The following GSG1L variants were observed in gnomAD, a reference collection of about 807,000 sequenced individuals.
GSG1L encodes germ cell-specific gene 1-like protein.
GSG1L carries 24 observed loss-of-function variants against 42.1 expected under a neutral mutation model. That is an observed-to-expected ratio of 0.57 (90% CI 0.41 to 0.80). The LOEUF (loss-of-function observed/expected upper bound fraction) is 0.80, where lower values mean the gene tolerates loss of function less well. Among genes scored for constraint, GSG1L ranks in the 30% least tolerant of loss-of-function variants. GSG1L has a pLI of 0.00. For synonymous variants in GSG1L, 215 were observed against 203.5 expected (o/e 1.06, Z -0.48); for missense variants, 445 against 472.2 (o/e 0.94, Z 0.53).
At chr16:27,861,341 C>T (rs1035904488) in intron 3 of GSG1L, among the ~76,000 whole-genome samples, 1 of 151,900 alleles carries the variant, frequency 6.6e-6, no homozygotes, top group African/African-American at 2.4e-5. Context: ...CGCGCCAGTG[C>T]ACTCTAGCCT....
intron 2 of GSG1L, among the ~76,000 whole-genome samples, chr16:27,961,527 T>A (rs2085072557): frequency 6.6e-6 from 1 of 152,210 alleles, no homozygotes; most frequent in Non-Finnish European, 1.5e-5. Context: ...TAAGCCTTGG[T>A]TTCTTCATCT....
intron 2 of GSG1L, among the ~76,000 whole-genome samples, chr16:27,956,167 T>G (rs187288817): frequency 6.6e-6 from 1 of 152,336 alleles, no homozygotes; most frequent in African/African-American, 2.4e-5. Context: ...GTTTCATGAC[T>G]GTTAATAGTT....
chr16:27,827,173 C>T (rs760968327), intron 5 of GSG1L, among the ~76,000 whole-genome samples: 7 of 152,192 alleles, frequency 4.6e-5, no homozygotes, highest in Non-Finnish European at 7.3e-5. Flanking sequence ...GGGCCTGGCA[C>T]ATAACTTGTG....
intron 2 of GSG1L, among the ~76,000 whole-genome samples, chr16:27,885,909 A>G (rs1336422885): frequency 6.6e-6 from 1 of 152,148 alleles, no homozygotes; most frequent in Admixed American, 6.5e-5. Context: ...GATTACCATC[A>G]TTTGCCATCT....
At chr16:27,919,283 C>A (rs369031866) in intron 2 of GSG1L, among the ~76,000 whole-genome samples, 1 of 152,214 alleles carries the variant, frequency 6.6e-6, no homozygotes. Flanking sequence ...TGACTTCCCA[C>A]TGCTGTTAGA....
rs780469549 is a variant in GSG1L, at chr16:27,893,402, G to A, written c.398-8764C>T. 2.1e-4 allele frequency among the ~76,000 whole-genome samples: 32 copies of A among 152,214 alleles called. No individual in the cohort carries two copies. The South Asian group carries it at 4.8e-3, about 23-fold the overall frequency. On this transcript the variant is annotated intron_variant, in intron 2 of 6. Coordinates refer to ENST00000447459, the MANE Select transcript of GSG1L (RefSeq NM_001109763.2). ...GTGTCTCGGCTGTGTGACATTGAGT[G>A]GTCCTCTGCCCGTAGGGTTCCTCAT...
intron 2 of GSG1L, among the ~76,000 whole-genome samples, chr16:27,892,046 G>A (rs955307877): frequency 2.6e-4 from 40 of 151,804 alleles, no homozygotes; most frequent in African/African-American, 9.7e-4. Flanking sequence ...CCAGACCTGT[G>A]GAATCAGAAA....
intron 4 of GSG1L, among the ~76,000 whole-genome samples, chr16:27,841,366 C>A (rs747433860): frequency 7.2e-5 from 11 of 152,208 alleles, no homozygotes; most frequent in African/African-American, 7.2e-5. Flanking sequence ...ACCATGGAGA[C>A]CTTCTACTTC....
intron 4 of GSG1L, among the ~76,000 whole-genome samples, chr16:27,839,800 CTT>C (rs1435508082): frequency 3.9e-5 from 6 of 152,326 alleles, no homozygotes; most frequent in African/African-American, 1.4e-4. Context: ...TAAATCCAAA[CTT>C]TTATAAGACA....
At chr16:27,874,554 A>G (rs1356989715) in intron 3 of GSG1L, among the ~76,000 whole-genome samples, 1 of 148,200 alleles carries the variant, frequency 6.7e-6, no homozygotes, top group East Asian at 2.0e-4. Flanking sequence ...AGGCTCAAAC[A>G]ATCCTCCCAC....
rs555980621 is a variant in GSG1L at position 27,787,936 on chromosome 16, G to A, written c.*3434C>T. 6.6e-6 allele frequency: 1 copy of A among 152,172 alleles called. No homozygotes were observed. The highest frequency in any genetic ancestry group is 1.5e-5 in the Non-Finnish European group (1 of 68,042). The allele number at this position is 152,172 out of a possible 1,614,324, so 9.4% of individuals were successfully genotyped here. ...GACATTCAAGGCCTCAGTAGAGCTG[G>A]ACCATAATTGCTCTCCCAGGCCCAT... On this transcript the variant is annotated 3_prime_UTR_variant, in exon 7 of 7. Transcript: ENST00000447459.
At chr16:27,843,223 C>G (rs1364222990) in intron 4 of GSG1L, among the ~76,000 whole-genome samples, 1 of 152,178 alleles carries the variant, frequency 6.6e-6, no homozygotes, top group Non-Finnish European at 1.5e-5. Flanking sequence ...TGGTCTCTGT[C>G]TTTCCAGCCT....
chr16:27,966,094 A>G (rs114261893), intron 1 of GSG1L, among the ~76,000 whole-genome samples: 1,854 of 152,264 alleles, frequency 0.012, 31 homozygotes, highest in African/African-American at 0.041. Flanking sequence ...TGCTGCCTGC[A>G]GCACTGTTCA....
chr16:28,012,893 C>CAAA (rs34003980), intron 1 of GSG1L, among the ~76,000 whole-genome samples: 15,414 of 128,140 alleles, frequency 0.12, 1,208 homozygotes, highest in South Asian at 0.24. Context: ...CAAGAACTCT[C>CAAA]AAAAAAAAAA....
At chr16:27,847,292 T>C (rs2083454960) in intron 3 of GSG1L, among the ~76,000 whole-genome samples, 2 of 152,178 alleles carry the variant, frequency 1.3e-5, no homozygotes, top group African/African-American at 4.8e-5. Flanking sequence ...CAGGTGGGTA[T>C]GGTTCCTCCA....
intron 1 of GSG1L, among the ~76,000 whole-genome samples, chr16:28,034,241 TCCCA>T (rs2141178540): frequency 1.1e-5 from 1 of 91,560 alleles, no homozygotes; most frequent in South Asian, 4.0e-4. Context: ...TCCCATCCCA[TCCCA>T]TCCCATCCCA....
intron 1 of GSG1L, among the ~76,000 whole-genome samples, chr16:28,056,581 C>A (rs2086281869): frequency 1.3e-5 from 2 of 151,658 alleles, no homozygotes. Context: ...AACAAACCTG[C>A]ACATTGTGCA....
chr16:27,917,920 G>C (rs1473525451), intron 2 of GSG1L, among the ~76,000 whole-genome samples: 1 of 152,018 alleles, frequency 6.6e-6, no homozygotes. Context: ...GTGGCCGGAA[G>C]CCAAGCCAGC....
chr16:27,907,770 G>A (rs1156717274), intron 2 of GSG1L, among the ~76,000 whole-genome samples: 5 of 152,208 alleles, frequency 3.3e-5, no homozygotes, highest in African/African-American at 4.8e-5. Context: ...TGGTTTTGTA[G>A]GACAAATGTA....
Sources: allele counts gnomAD v4.1 joint callset (sites outside exome capture counted in the v4.1 genomes callset), GRCh38; gene constraint gnomAD v4.1.1; transcripts MANE v1.5; gene names NCBI Gene and HGNC (gene_info 2026-07-23, HGNC 2026-07-21).